WHRN: variants seen among roughly 807,000 people sequenced by gnomAD.
WHRN encodes the protein whirlin, also known as CASK-interacting protein CIP98.
WHRN carries 41 observed loss-of-function variants against 68.3 expected under a neutral mutation model. The observed-to-expected ratio is 0.60, with a 90% CI of 0.47 to 0.78. The LOEUF (loss-of-function observed/expected upper bound fraction) is 0.78, where lower values mean the gene tolerates loss of function less well. WHRN is among the 30% of genes least tolerant of loss of function. WHRN has a pLI of 0.00. For missense variants in WHRN, 1,243 were observed against 1,244.7 expected (o/e 1.00, Z 0.02); for synonymous variants, 560 against 561.3 (o/e 1.00, Z 0.03).
chr9:114,438,581 T>C (rs984034167), intron 3 of WHRN, among the ~76,000 whole-genome samples: 3 of 151,418 alleles, frequency 2.0e-5, no homozygotes, highest in African/African-American at 7.3e-5. Flanking sequence ...GCCTCCCGAG[T>C]AGCTGGGACT....
intron 9 of WHRN, among the ~76,000 whole-genome samples, chr9:114,405,361 C>A (rs929756864): frequency 3.9e-5 from 6 of 152,152 alleles, no homozygotes; most frequent in Non-Finnish European, 7.3e-5. Context: ...CAGGCATGAG[C>A]CACTGCACCT....
intron 3 of WHRN, among the ~76,000 whole-genome samples, chr9:114,456,240 AC>A (rs1839784196): frequency 1.3e-5 from 2 of 152,162 alleles, no homozygotes; most frequent in Non-Finnish European, 2.9e-5. Flanking sequence ...AATTCGTAGA[AC>A]TGTACATCAC....
At chr9:114,436,685 C>T (rs1313091835) in intron 3 of WHRN, among the ~76,000 whole-genome samples, 1 of 151,804 alleles carries the variant, frequency 6.6e-6, no homozygotes, top group Admixed American at 6.6e-5. Context: ...AAAAATTAGC[C>T]GGGCATGGTG....
chr9:114,424,065 A>G (rs950417827), intron 6 of WHRN, among the ~76,000 whole-genome samples: 2 of 152,188 alleles, frequency 1.3e-5, no homozygotes, highest in Admixed American at 1.3e-4. Context: ...GGGCCCGAGC[A>G]CTGCTTTTAA....
intron 1 of WHRN, among the ~76,000 whole-genome samples, chr9:114,498,457 G>A (rs1255310905): frequency 6.6e-6 from 1 of 152,160 alleles, no homozygotes; most frequent in Non-Finnish European, 1.5e-5. Context: ...CCCAAGGACA[G>A]AGGTCATGTC....
chr9:114,449,614 T>A (rs1166847775), intron 3 of WHRN, among the ~76,000 whole-genome samples: 1 of 152,104 alleles, frequency 6.6e-6, no homozygotes, highest in African/African-American at 2.4e-5. Context: ...GAGAGTATCA[T>A]AAGGAAGGAC....
At chr9:114,498,311 T>C (rs1321299005) in intron 1 of WHRN, among the ~76,000 whole-genome samples, 2 of 152,126 alleles carry the variant, frequency 1.3e-5, no homozygotes, top group African/African-American at 4.8e-5. Flanking sequence ...TGCAGGACAC[T>C]AAAGCCAGGC....
At chr9:114,403,090 G>A in intron 11 of WHRN, 127 bp downstream of exon 11, 23 of 1,544,424 alleles carry the variant, frequency 1.5e-5, no homozygotes, top group Non-Finnish European at 2.0e-5. Context: ...GAAGAGCAAA[G>A]GTGACATAAG....
At chr9:114,444,353 T>C (rs1340332139) in intron 3 of WHRN, among the ~76,000 whole-genome samples, 3 of 152,184 alleles carry the variant, frequency 2.0e-5, no homozygotes, top group African/African-American at 7.2e-5. Flanking sequence ...AAAAAGTCTA[T>C]GAATTAATGT....
chr9:114,452,358 G>A (rs923816732), intron 3 of WHRN, among the ~76,000 whole-genome samples: 4 of 152,216 alleles, frequency 2.6e-5, no homozygotes, highest in South Asian at 4.1e-4. Flanking sequence ...CTGGCTGGCC[G>A]GCTGCCAAGG....
intron 3 of WHRN, among the ~76,000 whole-genome samples, chr9:114,440,344 C>T (rs1838260706): frequency 6.6e-6 from 1 of 152,164 alleles, no homozygotes. Context: ...TCAAGTGATT[C>T]TTCTGCCTTA....
Position 114,423,357 on chromosome 9 carries a change from G to A in WHRN, c.1583C>T (p.Ser528Phe), listed in dbSNP as rs1836491748. The part of the protein sequence containing the change: ...SMVSYSDTGS[S>F]TGSHGTSTTV... ...GGTGGAGGTGCCGTGGCTGCCTGTG[G>A]ATGAACCCGTGTCACTGTAGGAGAC... Residue 528 changes from serine (S) to phenylalanine (F), a missense_variant, in exon 7 of 12, where the codon TCC becomes TTC. Coordinates refer to ENST00000362057, the MANE Select transcript of WHRN (RefSeq NM_015404.4). The A allele has an allele frequency of 6.2e-7, 1 of 1,614,004 alleles. No homozygotes were observed. Among genetic ancestry groups the A allele is most frequent in the Non-Finnish European group, 8.5e-7 (1 of 1,179,952 alleles).
chr9:114,409,402 G>A (rs1034075276), intron 7 of WHRN, among the ~76,000 whole-genome samples: 4 of 152,172 alleles, frequency 2.6e-5, no homozygotes, highest in Admixed American at 6.5e-5. Context: ...CCTGGAGGAC[G>A]GGGCACAACT....
intron 1 of WHRN, among the ~76,000 whole-genome samples, chr9:114,489,331 C>T (rs768463351): frequency 4.6e-5 from 7 of 152,060 alleles, no homozygotes; most frequent in Non-Finnish European, 1.0e-4. Flanking sequence ...ATTTACCTCT[C>T]CTGAAGTTAC....
Position 114,406,750 on chromosome 9 carries a change from G to C in WHRN, c.1841C>G (p.Pro614Arg). ...REDLQPPSSM[P>R]SCSGTVFSAP... ...CGAGAAGACAGTGCCCGAGCAGGAA[G>C]GCATGGAGGAAGGTGGCTGGAGGTC... Residue 614 changes from proline to arginine, a missense_variant, in exon 9 of 12, where the codon CCT (proline) becomes CGT (arginine). Physicochemically the swap from Pro to Arg is moderately radical, Grantham distance 103. Coordinates refer to ENST00000362057, the MANE Select transcript of WHRN (RefSeq NM_015404.4). The C allele has an allele frequency of 6.2e-7, 1 of 1,614,196 alleles. No homozygotes were observed. Among genetic ancestry groups the C allele is most frequent in the Non-Finnish European group, 8.5e-7 (1 of 1,180,028 alleles).
In WHRN at chr9:114,478,723, G is replaced by C. The variant is rs76593842; in HGVS notation, c.667C>G (p.Arg223Gly). The C allele has an allele frequency of 1.9e-6, 3 of 1,612,450 alleles. No individual in the cohort carries two copies. The highest frequency in any genetic ancestry group is 2.5e-6 in the Non-Finnish European group (3 of 1,179,980). ...TTGGTGACGTAGCCCCCAGGGATGCGCCCTGCTGAGTACACAGACAGCACC... is the reference window on the plus strand; with the variant it reads ...TTGGTGACGTAGCCCCCAGGGATGCCCCCTGCTGAGTACACAGACAGCACC... ...KLVLSVYSAG[R>G]IPGGYVTNHI... The change falls in exon 2 of 12, where the codon CGC becomes GGC. Residue 223 changes from arginine to glycine, a missense_variant. Physicochemically the swap from Arg to Gly is moderately radical, Grantham distance 125 (BLOSUM62 -2). Transcript: ENST00000362057.
At chr9:114,480,270 G>A (rs529775705) in intron 1 of WHRN, among the ~76,000 whole-genome samples, 11 of 152,182 alleles carry the variant, frequency 7.2e-5, no homozygotes, top group Admixed American at 2.0e-4. Context: ...CTGAGATGAA[G>A]ACATTGACCC....
At chr9:114,435,617 T>C (rs1837784711) in intron 3 of WHRN, among the ~76,000 whole-genome samples, 1 of 152,188 alleles carries the variant, frequency 6.6e-6, no homozygotes, top group Non-Finnish European at 1.5e-5. Context: ...AGGAGGGGTG[T>C]CACTGGTCCA....
chr9:114,473,226 G>T (rs754915811), intron 2 of WHRN, among the ~76,000 whole-genome samples: 1 of 152,212 alleles, frequency 6.6e-6, no homozygotes, highest in African/African-American at 2.4e-5. Context: ...GACCGGGGAG[G>T]GGTGAAAGGG....
Sources: allele counts gnomAD v4.1 joint callset (sites outside exome capture counted in the v4.1 genomes callset), GRCh38; gene constraint gnomAD v4.1.1; transcripts MANE v1.5; gene names NCBI Gene and HGNC (gene_info 2026-07-23, HGNC 2026-07-21).